RAD51B: variants seen among roughly 807,000 people sequenced by gnomAD.
RAD51B encodes DNA repair protein RAD51 homolog 2.
RAD51B carries 38 observed loss-of-function variants against 42.2 expected under a neutral mutation model. The observed-to-expected ratio is 0.90, with a 90% CI of 0.70 to 1.18. The LOEUF (loss-of-function observed/expected upper bound fraction) is 1.18, where lower values mean the gene tolerates loss of function less well. Ranked by LOEUF, RAD51B falls within the 50% of genes most tolerant of loss-of-function variation. The pLI is 0.00. For synonymous variants in RAD51B, 154 were observed against 145.2 expected (o/e 1.06, Z -0.43); for missense variants, 373 against 400.7 (o/e 0.93, Z 0.59).
chr14:67,959,789 T>C (rs957870539), intron 7 of RAD51B, among the ~76,000 whole-genome samples: 2 of 152,108 alleles, frequency 1.3e-5, no homozygotes, highest in Non-Finnish European at 2.9e-5. Flanking sequence ...TAAAACTTCA[T>C]AGAAATATGA....
At chr14:68,432,374 G>A (rs1276617694) in intron 9 of RAD51B, among the ~76,000 whole-genome samples, 1 of 152,138 alleles carries the variant, frequency 6.6e-6, no homozygotes, top group East Asian at 1.9e-4. Context: ...CATTATTATT[G>A]TGTGGGCGTC....
intron 8 of RAD51B, among the ~76,000 whole-genome samples, chr14:68,366,741 A>G (rs547809396): frequency 1.3e-5 from 2 of 152,360 alleles, no homozygotes; most frequent in Admixed American, 1.3e-4. Flanking sequence ...CCCACACCCT[A>G]GTTTAATGCT....
At chr14:68,093,118 A>AT (rs1009403227) in intron 7 of RAD51B, among the ~76,000 whole-genome samples, 1 of 148,590 alleles carries the variant, frequency 6.7e-6, no homozygotes, top group African/African-American at 2.5e-5. Flanking sequence ...TTTATTGAGG[A>AT]TTTTTGCATC....
At chr14:67,944,165 A>G (rs1566971303) in intron 7 of RAD51B, among the ~76,000 whole-genome samples, 2 of 150,232 alleles carry the variant, frequency 1.3e-5, no homozygotes, top group Non-Finnish European at 1.5e-5. Flanking sequence ...CACCAAGACA[A>G]TTTCATCTTA....
chr14:68,227,774 C>T (rs1358498328), intron 7 of RAD51B, among the ~76,000 whole-genome samples: 1 of 152,088 alleles, frequency 6.6e-6, no homozygotes, highest in Non-Finnish European at 1.5e-5. Context: ...AGTTCAAATC[C>T]CTGCTCTAAT....
chr14:68,150,654 A>C (rs958095561), intron 7 of RAD51B, among the ~76,000 whole-genome samples: 1 of 152,280 alleles, frequency 6.6e-6, no homozygotes, highest in South Asian at 2.1e-4. Flanking sequence ...ACTTATGTAC[A>C]TTAACCTTAT....
intron 10 of RAD51B, among the ~76,000 whole-genome samples, chr14:68,587,509 C>T (rs182216583): frequency 2.0e-5 from 3 of 152,308 alleles, no homozygotes; most frequent in East Asian, 3.9e-4. Context: ...ACTTTTCCCA[C>T]TGAGCTTGGC....
chr14:67,896,528 C>T (rs1044510557), intron 7 of RAD51B, among the ~76,000 whole-genome samples: 39 of 152,262 alleles, frequency 2.6e-4, no homozygotes, highest in Admixed American at 2.0e-3. Flanking sequence ...AGTTTAACAA[C>T]GTCAGGTGAT....
intron 7 of RAD51B, among the ~76,000 whole-genome samples, chr14:68,050,509 T>G (rs17104880): frequency 0.06 from 9,140 of 152,180 alleles, 649 homozygotes; most frequent in African/African-American, 0.17. Context: ...CAGAAAAATA[T>G]GAAGAAATAA....
intron 9 of RAD51B, among the ~76,000 whole-genome samples, chr14:68,428,439 C>T (rs2084905760): frequency 6.6e-6 from 1 of 151,968 alleles, no homozygotes; most frequent in Non-Finnish European, 1.5e-5. Flanking sequence ...ACCTTATTAA[C>T]TGTATGCACA....
At chr14:68,672,203 C>T (rs933284549) in intron 11 of RAD51B, among the ~76,000 whole-genome samples, 3 of 152,178 alleles carry the variant, frequency 2.0e-5, no homozygotes, top group Non-Finnish European at 4.4e-5. Flanking sequence ...CTCCTGTAAC[C>T]CCTGGAACTT....
chr14:67,826,264 C>G (rs987325907), intron 3 of RAD51B, among the ~76,000 whole-genome samples: 2 of 152,080 alleles, frequency 1.3e-5, no homozygotes, highest in Admixed American at 1.3e-4. Context: ...ATCACTTGCT[C>G]TAGATCATAA....
intron 7 of RAD51B, among the ~76,000 whole-genome samples, chr14:68,088,844 A>G (rs895499064): frequency 2.6e-5 from 4 of 152,110 alleles, no homozygotes; most frequent in South Asian, 2.1e-4. Flanking sequence ...GGAGAAGGCA[A>G]TTAAAACTTT....
chr14:68,442,837 G>C (rs2085333349), intron 9 of RAD51B, among the ~76,000 whole-genome samples: 6 of 151,990 alleles, frequency 3.9e-5, no homozygotes, highest in Admixed American at 3.9e-4. Context: ...AGGAAGTGGA[G>C]GCTGTGAAAA....
chr14:68,405,829 CAAAAAAAAAAA>C (rs10547910), intron 8 of RAD51B, among the ~76,000 whole-genome samples: 3 of 71,546 alleles, frequency 4.2e-5, no homozygotes, highest in South Asian at 5.3e-4. Flanking sequence ...AGTTTATCAC[CAAAAAAAAAAA>C]AAAAAAAAAA....
intron 5 of RAD51B, among the ~76,000 whole-genome samples, chr14:67,866,827 T>C (rs910882293): frequency 6.6e-6 from 1 of 152,218 alleles, no homozygotes; most frequent in African/African-American, 2.4e-5. Flanking sequence ...CTCCTTCATA[T>C]CTTTTTCTGC....
At chr14:68,665,438 C>T (rs1295560527) in intron 11 of RAD51B, among the ~76,000 whole-genome samples, 1 of 152,250 alleles carries the variant, frequency 6.6e-6, no homozygotes, top group Non-Finnish European at 1.5e-5. Flanking sequence ...GCCAAGTTCC[C>T]TATTAGTCAT....
At chr14:68,282,352 G>T (rs1205796234) in intron 7 of RAD51B, among the ~76,000 whole-genome samples, 1 of 152,156 alleles carries the variant, frequency 6.6e-6, no homozygotes, top group East Asian at 1.9e-4. Flanking sequence ...CATGATAGAA[G>T]ATCTCCACTC....
At chr14:68,019,005 C>T (rs768288846) in intron 7 of RAD51B, among the ~76,000 whole-genome samples, 71 of 152,042 alleles carry the variant, frequency 4.7e-4, no homozygotes, top group Non-Finnish European at 8.1e-4. Flanking sequence ...TGTAATGTTC[C>T]TTGCATATAG....
Sources: gnomAD v4.1 joint callset for allele counts (sites outside exome capture counted in the v4.1 genomes callset) on GRCh38, gnomAD v4.1.1 for gene constraint, MANE v1.5 for transcripts, NCBI Gene and HGNC (gene_info 2026-07-23, HGNC 2026-07-21) for gene names.